Variants in CNTNAP5 observed in about 807,000 individuals in gnomAD.
CNTNAP5 encodes the protein contactin-associated protein-like 5.
CNTNAP5 carries 72 observed loss-of-function variants against 150.2 expected under a neutral mutation model. The observed-to-expected ratio is 0.48, with a 90% confidence interval of 0.40 to 0.58. The LOEUF is 0.58. Among genes scored for constraint, CNTNAP5 ranks in the 20% least tolerant of loss-of-function variants. The pLI is 0.00. For missense variants in CNTNAP5, 1,636 were observed against 1,626.2 expected (o/e 1.01, Z -0.10); for synonymous variants, 672 against 619.8 (o/e 1.08, Z -1.25).
chr2:124,371,745 A>G (rs1690532955), intron 3 of CNTNAP5, among the ~76,000 whole-genome samples: 1 of 152,114 alleles, frequency 6.6e-6, no homozygotes, highest in Non-Finnish European at 1.5e-5. Context: ...TTAACATACT[A>G]TACATAAATT....
At chr2:124,550,147 A>G (rs1695596195) in intron 10 of CNTNAP5, among the ~76,000 whole-genome samples, 1 of 152,240 alleles carries the variant, frequency 6.6e-6, no homozygotes, top group South Asian at 2.1e-4. Flanking sequence ...TTCATGACAC[A>G]TTTGAAAACG....
intron 12 of CNTNAP5, among the ~76,000 whole-genome samples, chr2:124,620,938 T>C (rs1413569650): frequency 1.3e-5 from 2 of 152,158 alleles, no homozygotes; most frequent in African/African-American, 4.8e-5. Flanking sequence ...CTATCACCTT[T>C]GCCAGCGATA....
chr2:124,037,760 T>G (rs1681264010), intron 1 of CNTNAP5, among the ~76,000 whole-genome samples: 1 of 152,192 alleles, frequency 6.6e-6, no homozygotes. Context: ...AGAGATCTTT[T>G]GTACAGCAAG....
At chr2:124,054,999 G>A (rs1250628047) in intron 1 of CNTNAP5, among the ~76,000 whole-genome samples, 3 of 152,142 alleles carry the variant, frequency 2.0e-5, no homozygotes, top group Non-Finnish European at 2.9e-5. Context: ...ATGGGTGGGA[G>A]TCTGGGCTCT....
intron 7 of CNTNAP5, among the ~76,000 whole-genome samples, chr2:124,498,866 T>G (rs1827596): frequency 0.85 from 129,334 of 152,088 alleles, 55,149 homozygotes; most frequent in East Asian, 1. Context: ...AAGACAGATG[T>G]TAAAGATGTG....
chr2:124,155,976 C>T (rs570989046), intron 1 of CNTNAP5, among the ~76,000 whole-genome samples: 2 of 152,274 alleles, frequency 1.3e-5, no homozygotes, highest in African/African-American at 2.4e-5. Context: ...AGATAATGTG[C>T]GTGGCCAGCC....
At chr2:124,246,243 G>A (rs779154343) in intron 3 of CNTNAP5, among the ~76,000 whole-genome samples, 1 of 152,032 alleles carries the variant, frequency 6.6e-6, no homozygotes, top group Non-Finnish European at 1.5e-5. Context: ...ATCCTAAAAG[G>A]ATACCTTTGC....
intron 1 of CNTNAP5, among the ~76,000 whole-genome samples, chr2:124,075,491 C>T (rs2104668996): frequency 6.6e-6 from 1 of 152,232 alleles, no homozygotes; most frequent in African/African-American, 2.4e-5. Context: ...GCCTGCATGT[C>T]TACAGTCCCT....
intron 1 of CNTNAP5, among the ~76,000 whole-genome samples, chr2:124,131,777 A>G (rs1261642978): frequency 6.6e-6 from 1 of 152,190 alleles, no homozygotes; most frequent in Admixed American, 6.5e-5. Flanking sequence ...GCATTCTTCT[A>G]TTTGTGTATT....
intron 17 of CNTNAP5, among the ~76,000 whole-genome samples, chr2:124,787,007 T>A (rs1305817832): frequency 1.3e-5 from 2 of 152,190 alleles, no homozygotes; most frequent in East Asian, 1.9e-4. Context: ...CCCCCAGATT[T>A]GTGTCACTAT....
intron 13 of CNTNAP5, among the ~76,000 whole-genome samples, chr2:124,667,289 A>G (rs1573534819): frequency 6.6e-6 from 1 of 152,242 alleles, no homozygotes; most frequent in Non-Finnish European, 1.5e-5. Context: ...GTGCAATCTC[A>G]GAGGATTGTT....
intron 1 of CNTNAP5, among the ~76,000 whole-genome samples, chr2:124,084,924 G>GTTTTTTTTTTT (rs71394021): frequency 0.15 from 13,193 of 89,800 alleles, 3,524 homozygotes; most frequent in Middle Eastern, 0.17. Context: ...CAAGTTTCCT[G>GTTTTTTTTTTT]TTTTTTTTTT....
chr2:124,870,607 A>G (rs756247691), intron 21 of CNTNAP5, among the ~76,000 whole-genome samples: 3 of 151,036 alleles, frequency 2.0e-5, no homozygotes, highest in Non-Finnish European at 4.4e-5. Context: ...ATTCTATCAT[A>G]TTCTTTCTGA....
chr2:124,506,980 C>T (rs572593343), intron 8 of CNTNAP5, among the ~76,000 whole-genome samples: 1 of 152,268 alleles, frequency 6.6e-6, no homozygotes. Flanking sequence ...TTGAGAATAA[C>T]TTGAGTCTAT....
intron 1 of CNTNAP5, among the ~76,000 whole-genome samples, chr2:124,148,894 A>G (rs567541618): frequency 6.6e-6 from 1 of 152,088 alleles, no homozygotes; most frequent in Admixed American, 6.6e-5. Flanking sequence ...ACATATATGT[A>G]TGTATATATA....
intron 3 of CNTNAP5, among the ~76,000 whole-genome samples, chr2:124,262,931 A>G (rs1687496473): frequency 6.6e-6 from 1 of 151,728 alleles, no homozygotes; most frequent in African/African-American, 2.4e-5. Context: ...TAGTTTGCTG[A>G]GAATGATGGT....
In CNTNAP5 at chr2:124,453,570, A is replaced by G. The variant is rs191496630; in HGVS notation, c.918+6633A>G. Among the ~76,000 whole-genome samples the G allele has an allele frequency of 1.6e-4, 24 of 152,324 alleles. 1 individual carries two copies. In the East Asian group the frequency reaches 4.4e-3, roughly 28 times the overall value. ...TCATCACCAAAAGATCATTGCCTAG[A>G]CACATTGTCAGCACATTATCTAAAG... On this transcript the variant is annotated intron_variant, in intron 6 of 23. Coordinates refer to ENST00000682447, the MANE Select transcript of CNTNAP5 (RefSeq NM_001367498.1).
chr2:124,190,407 A>G (rs72838237), intron 1 of CNTNAP5, among the ~76,000 whole-genome samples: 448 of 152,262 alleles, frequency 2.9e-3, no homozygotes, highest in Non-Finnish European at 5.4e-3. Context: ...TTCCACTTAC[A>G]CACTTTTTCC....
intron 3 of CNTNAP5, among the ~76,000 whole-genome samples, chr2:124,336,603 C>A (rs555909457): frequency 0.022 from 3,052 of 139,980 alleles, 37 homozygotes; most frequent in East Asian, 0.079. Flanking sequence ...CAGTTCCCGC[C>A]TATGAGTGAG....
Sources: gnomAD v4.1 joint callset for allele counts (sites outside exome capture counted in the v4.1 genomes callset) on GRCh38, gnomAD v4.1.1 for gene constraint, MANE v1.5 for transcripts, NCBI Gene and HGNC (gene_info 2026-07-23, HGNC 2026-07-21) for gene names.